Variants in ROBO2 observed in about 807,000 individuals in gnomAD.
The protein encoded by ROBO2 is roundabout homolog 2.
Under a neutral mutation model 160.8 loss-of-function variants are expected in ROBO2, and 53 were observed. The observed-to-expected ratio is 0.33, with a 90% CI of 0.26 to 0.41. The LOEUF is 0.41. Ranked by LOEUF, ROBO2 falls within the 10% of genes least tolerant of loss-of-function variation. The probability of loss-of-function intolerance (pLI) is 1.00; values close to 1 mark genes in which losing one functional copy is unlikely to be tolerated. For missense variants in ROBO2, 1,577 were observed against 1,722.4 expected, an observed-to-expected ratio of 0.92 and a Z score of 1.49; for synonymous variants, 664 against 611.7, an observed-to-expected ratio of 1.09 and a Z score of -1.26.
At chr3:76,302,901 T>A (rs890908132) in intron 2 of ROBO2, among the ~76,000 whole-genome samples, 1 of 152,106 alleles carries the variant, frequency 6.6e-6, no homozygotes, top group African/African-American at 2.4e-5. Context: ...GACTGTGCTA[T>A]TTAGACTATG....
chr3:77,403,001 A>G (rs1277556763), intron 2 of ROBO2, among the ~76,000 whole-genome samples: 3 of 152,180 alleles, frequency 2.0e-5, no homozygotes, highest in Non-Finnish European at 4.4e-5. Context: ...GGAGGCAAGA[A>G]TTGAGGTTGC....
intron 2 of ROBO2, among the ~76,000 whole-genome samples, chr3:76,229,380 ACTAATTTAGCTGAT>A (rs1257745234): frequency 6.6e-6 from 1 of 150,712 alleles, no homozygotes; most frequent in African/African-American, 2.4e-5. Flanking sequence ...AATTACAATA[ACTAATTTAGCTGAT>A]TTTCTATTAG....
chr3:76,980,834 C>G (rs1181508794), intron 2 of ROBO2, among the ~76,000 whole-genome samples: 1 of 152,126 alleles, frequency 6.6e-6, no homozygotes. Context: ...ACCTCCATCC[C>G]TAATCCTCTC....
chr3:77,617,570 TCTGGAAGATGAA>T (rs1255897145), exon 22 of ROBO2: 1 of 1,614,152 alleles, frequency 6.2e-7, no homozygotes, highest in South Asian at 1.1e-5. Context: ...TACACCAAGG[TCTGGAAGATGAA>T]CTGGAAGAAG....
chr3:76,057,935 TA>T (rs558395856), intron 2 of ROBO2, among the ~76,000 whole-genome samples: 73 of 152,310 alleles, frequency 4.8e-4, no homozygotes, highest in African/African-American at 1.8e-3. Flanking sequence ...GATAGGTAGT[TA>T]AAAATACAGT....
chr3:76,734,513 G>T (rs1159695947), intron 2 of ROBO2, among the ~76,000 whole-genome samples: 6 of 152,112 alleles, frequency 3.9e-5, no homozygotes, highest in African/African-American at 1.4e-4. Flanking sequence ...TATCTTTTTG[G>T]AAAGCTGACT....
chr3:77,492,431 G>C (rs72901134), intron 4 of ROBO2, among the ~76,000 whole-genome samples: 1,699 of 152,126 alleles, frequency 0.011, 32 homozygotes, highest in African/African-American at 0.039. Flanking sequence ...TTTTTCTCTA[G>C]CCTTATGTAG....
intron 2 of ROBO2, among the ~76,000 whole-genome samples, chr3:76,285,915 G>A (rs139707729): frequency 7.0e-4 from 107 of 151,974 alleles, no homozygotes; most frequent in Non-Finnish European, 1.3e-3. Context: ...AATGTAATCC[G>A]CACCCATACT....
At chr3:77,249,511 T>C (rs1176227253) in intron 2 of ROBO2, among the ~76,000 whole-genome samples, 1 of 152,188 alleles carries the variant, frequency 6.6e-6, no homozygotes, top group Non-Finnish European at 1.5e-5. Context: ...AAGAGGTCCT[T>C]AGCTATAGCA....
At chr3:77,057,569 A>ATTTTTTTTTTTT (rs71104648) in intron 1 of ROBO2, among the ~76,000 whole-genome samples, 10 of 105,260 alleles carry the variant, frequency 9.5e-5, no homozygotes, top group East Asian at 3.1e-4. Context: ...ATTCCAGAGG[A>ATTTTTTTTTTTT]TTTTTTTTTT....
At chr3:77,200,480 A>G (rs1024518726) in intron 2 of ROBO2, among the ~76,000 whole-genome samples, 9 of 151,652 alleles carry the variant, frequency 5.9e-5, no homozygotes, top group African/African-American at 2.2e-4. Flanking sequence ...TTAAATGGGT[A>G]TCACCCCCTC....
intron 2 of ROBO2, among the ~76,000 whole-genome samples, chr3:77,224,511 A>T (rs1176970943): frequency 6.6e-6 from 1 of 151,994 alleles, no homozygotes; most frequent in African/African-American, 2.4e-5. Flanking sequence ...CTTTAAACTT[A>T]TAGTCTTGTA....
At chr3:76,318,751 T>C (rs2072260457) in intron 2 of ROBO2, among the ~76,000 whole-genome samples, 1 of 152,084 alleles carries the variant, frequency 6.6e-6, no homozygotes, top group South Asian at 2.1e-4. Flanking sequence ...TTTTTTTAGT[T>C]TTCAAATTCA....
intron 24 of ROBO2, among the ~76,000 whole-genome samples, chr3:77,635,333 G>A (rs182074130): frequency 6.6e-6 from 1 of 151,898 alleles, no homozygotes; most frequent in African/African-American, 2.4e-5. Flanking sequence ...GAGCATTTAA[G>A]AGTAGGGAAG....
At chr3:76,546,629 GT>G (rs1428460346) in intron 2 of ROBO2, among the ~76,000 whole-genome samples, 1 of 151,828 alleles carries the variant, frequency 6.6e-6, no homozygotes, top group African/African-American at 2.4e-5. Flanking sequence ...CTCCAGAATT[GT>G]AAAATAACAA....
chr3:76,965,284 G>C (rs769761329), intron 2 of ROBO2, among the ~76,000 whole-genome samples: 1 of 152,214 alleles, frequency 6.6e-6, no homozygotes, highest in Non-Finnish European at 1.5e-5. Context: ...TGCTGTGGAC[G>C]GAGAGGAGCT....
chr3:76,939,050 A>T (rs925693071), intron 2 of ROBO2, among the ~76,000 whole-genome samples: 1 of 152,112 alleles, frequency 6.6e-6, no homozygotes, highest in African/African-American at 2.4e-5. Flanking sequence ...TGTACAGAAC[A>T]TATTCAGCCA....
chr3:76,481,604 G>A (rs935845042), intron 2 of ROBO2, among the ~76,000 whole-genome samples: 1 of 152,114 alleles, frequency 6.6e-6, no homozygotes, highest in Non-Finnish European at 1.5e-5. Context: ...CTTAAAGTTT[G>A]CATCAGCATC....
chr3:76,814,221 T>C (rs559086067), intron 2 of ROBO2, among the ~76,000 whole-genome samples: 69 of 152,254 alleles, frequency 4.5e-4, no homozygotes, highest in African/African-American at 1.6e-3. Context: ...AACTCAACTG[T>C]GGGCACTGCA....
Sources: allele counts gnomAD v4.1 joint callset (sites outside exome capture counted in the v4.1 genomes callset), GRCh38; gene constraint gnomAD v4.1.1; transcripts MANE v1.5; gene names NCBI Gene and HGNC (gene_info 2026-07-23, HGNC 2026-07-21).